ANKHD1: variants seen among roughly 807,000 people sequenced by gnomAD.
ANKHD1 encodes the protein ankyrin repeat and KH domain-containing protein 1.
A neutral mutation model predicts 230.5 loss-of-function variants in ANKHD1; 31 were observed. The ratio of observed to expected loss-of-function variants is 0.13; its 90% confidence interval spans 0.10 to 0.18. The LOEUF (loss-of-function observed/expected upper bound fraction) is 0.18, where lower values mean the gene tolerates loss of function less well. ANKHD1 is among the 10% of genes least tolerant of loss of function. The pLI is 1.00. For synonymous variants in ANKHD1, 1,074 were observed against 1,117.6 expected, an observed-to-expected ratio of 0.96 and a Z score of 0.78; for missense variants, 2,256 against 3,071.3, an observed-to-expected ratio of 0.73 and a Z score of 6.27.
Position 140,479,744 on chromosome 5 carries a change from ACT to A in ANKHD1, c.1783-2835_1783-2834del, listed in dbSNP as rs1252436085. Among the ~76,000 whole-genome samples, 6 of 136,498 alleles carry A rather than the reference ACT, an allele frequency of 4.4e-5. No individual in the cohort carries two copies. The East Asian group carries it at 1.3e-3, about 30-fold the overall frequency. The allele number at this position is 136,498 out of a possible 152,430, so 89.5% of individuals were successfully genotyped here. A position where few individuals can be genotyped will look rare whatever the true frequency, so the allele number is the denominator to read the frequency against. ...TATACATACATAGGTATATATATAT[ACT>A]TATATATATACCTATGTATGTATAT... On this transcript the variant is annotated intron_variant, in intron 10 of 33. Transcript: ENST00000360839.
chr5:140,424,741 A>G (rs1406714762), intron 1 of ANKHD1, among the ~76,000 whole-genome samples: 1 of 152,208 alleles, frequency 6.6e-6, no homozygotes, highest in Non-Finnish European at 1.5e-5. Flanking sequence ...TTTTCTGACA[A>G]TATGATTGTT....
chr5:140,443,842 A>C (rs774738734), intron 5 of ANKHD1, among the ~76,000 whole-genome samples: 2 of 152,176 alleles, frequency 1.3e-5, no homozygotes, highest in Non-Finnish European at 2.9e-5. Context: ...ATATGGAAGC[A>C]CAGATATAAT....
At chr5:140,405,606 G>A (rs964592025) in intron 1 of ANKHD1, among the ~76,000 whole-genome samples, 3 of 151,938 alleles carry the variant, frequency 2.0e-5, no homozygotes, top group Non-Finnish European at 4.4e-5. Flanking sequence ...AAAATCCTCC[G>A]TCTCATCTTT....
At chr5:140,524,037 G>A in intron 24 of ANKHD1, 29 bp from the exon 25 acceptor site, 1 of 1,543,732 alleles carries the variant, frequency 6.5e-7, no homozygotes. Flanking sequence ...TGCCTTATTG[G>A]TAAAATTATA....
chr5:140,470,849 A>G (rs1334011921), intron 10 of ANKHD1, among the ~76,000 whole-genome samples: 1 of 151,790 alleles, frequency 6.6e-6, no homozygotes, highest in East Asian at 1.9e-4. Flanking sequence ...CTAGTCCTGA[A>G]CCGCTGGGCT....
chr5:140,472,491 G>T, intron 10 of ANKHD1: 1 of 1,290,282 alleles, frequency 7.8e-7, no homozygotes. Flanking sequence ...TGTTTCCTTA[G>T]TCTTCTTTCT....
rs545033396 is a variant in ANKHD1 at position 140,505,700 on chromosome 5, T to A, written c.3263-24T>A. ...ATAAAATAAAAAACATAAATTTGTT[T>A]AAGATTTTCATTTTCTGATTTAGGT... On this transcript the variant is annotated intron_variant, in intron 17 of 33. Transcript: ENST00000360839. 5 of 1,573,026 alleles carry A rather than the reference T, an allele frequency of 3.2e-6. No individual in the cohort carries two copies. The South Asian group carries it at 6.0e-5, about 19-fold the overall frequency.
chr5:140,434,308 G>A (rs7727387), intron 1 of ANKHD1, among the ~76,000 whole-genome samples: 2,466 of 151,674 alleles, frequency 0.016, 75 homozygotes, highest in African/African-American at 0.056. Flanking sequence ...TGTTAGCTGT[G>A]TGACCTTGAA....
intron 5 of ANKHD1, among the ~76,000 whole-genome samples, chr5:140,444,581 T>C (rs1302773730): frequency 6.6e-6 from 1 of 152,152 alleles, no homozygotes; most frequent in Non-Finnish European, 1.5e-5. Context: ...CAGATGTCCT[T>C]TTCTGCCTTT....
At chr5:140,442,232 G>A (rs1014101285) in intron 5 of ANKHD1, among the ~76,000 whole-genome samples, 3 of 151,262 alleles carry the variant, frequency 2.0e-5, no homozygotes, top group African/African-American at 7.3e-5. Flanking sequence ...TAGTAGAGAC[G>A]GGGGTTTCAC....
intron 9 of ANKHD1, among the ~76,000 whole-genome samples, chr5:140,463,410 A>G (rs1305844214): frequency 6.6e-6 from 1 of 152,118 alleles, no homozygotes; most frequent in Non-Finnish European, 1.5e-5. Context: ...CCTTGGGATC[A>G]GTCATTTTTC....
At chr5:140,479,545 T>C (rs1362664433) in intron 10 of ANKHD1, among the ~76,000 whole-genome samples, 3 of 151,932 alleles carry the variant, frequency 2.0e-5, no homozygotes. Context: ...CATATATGCA[T>C]TGATTCCCAT....
intron 1 of ANKHD1, among the ~76,000 whole-genome samples, chr5:140,431,784 C>G (rs1773066624): frequency 6.6e-6 from 1 of 152,144 alleles, no homozygotes; most frequent in African/African-American, 2.4e-5. Flanking sequence ...AATAAATTAT[C>G]TTATGCATTA....
In ANKHD1 at chr5:140,527,980, A is replaced by G. The variant is rs1242872746; in HGVS notation, c.5195A>G (p.Asp1732Gly). The G allele has an allele frequency of 6.2e-7, 1 of 1,613,992 alleles. No individual in the cohort carries two copies. The highest frequency in any genetic ancestry group is 1.3e-5 in the African/African-American group (1 of 75,062). ...QDVTGAHIDV[D>G]KQKDKNGERM... Reference sequence around the variant, plus strand: ...GTTACTGGTGCCCATATTGATGTGGATAAACAAAAAGATAAGAATGGCGAG... The same window carrying G: ...GTTACTGGTGCCCATATTGATGTGGGTAAACAAAAAGATAAGAATGGCGAG... The change falls in exon 28 of 34, where the codon GAT (aspartate) becomes GGT (glycine). Residue 1732 changes from aspartate to glycine, a missense_variant. Physicochemically the swap from Asp to Gly is moderately conservative, Grantham distance 94 (BLOSUM62 -1). Transcript: ENST00000360839. This position sits in a 1 kb window ranked among gnomAD's most constrained non-coding sequence, Gnocchi z 4.5.
At chr5:140,472,341 ATGT>A (rs772745917) in intron 10 of ANKHD1, 2 of 1,605,654 alleles carry the variant, frequency 1.2e-6, no homozygotes, top group African/African-American at 1.3e-5. Flanking sequence ...TAAAGAATAG[ATGT>A]TGTAGGTAAC....
At chr5:140,458,468 C>T (rs367895769) in intron 7 of ANKHD1, among the ~76,000 whole-genome samples, 157 bp from the exon 8 acceptor site, 1 of 152,120 alleles carries the variant, frequency 6.6e-6, no homozygotes, top group East Asian at 1.9e-4. Context: ...TGATAAGGCT[C>T]AGATGAGCAT....
intron 9 of ANKHD1, 70 bp from the exon 10 acceptor site, chr5:140,464,597 A>G (rs1775956855): frequency 7.7e-7 from 1 of 1,306,746 alleles, no homozygotes; most frequent in African/African-American, 1.5e-5. Flanking sequence ...GTTTCACCAG[A>G]TTGCAAAATT....
chr5:140,421,585 G>A (rs995069279), intron 1 of ANKHD1, among the ~76,000 whole-genome samples: 3 of 152,094 alleles, frequency 2.0e-5, no homozygotes, highest in Non-Finnish European at 4.4e-5. Context: ...ACAGGCTTGA[G>A]CCACCGTGCC....
intron 1 of ANKHD1, among the ~76,000 whole-genome samples, chr5:140,410,971 A>T (rs1770875817): frequency 6.6e-6 from 1 of 152,130 alleles, no homozygotes; most frequent in Non-Finnish European, 1.5e-5. Flanking sequence ...TTTGAATGTG[A>T]TACTGAATTT....
Sources: allele counts gnomAD v4.1 joint callset (sites outside exome capture counted in the v4.1 genomes callset), GRCh38; gene constraint gnomAD v4.1.1; non-coding constraint Gnocchi (gnomAD v3.1); transcripts MANE v1.5; gene names NCBI Gene and HGNC (gene_info 2026-07-23, HGNC 2026-07-21).